The following ASPH variants were observed in gnomAD, a reference collection of about 807,000 sequenced individuals.
The protein encoded by ASPH is aspartate beta-hydroxylase, also known as aspartyl/asparaginyl beta-hydroxylase.
ASPH carries 100 observed loss-of-function variants against 118.4 expected under a neutral mutation model. That is an observed-to-expected ratio of 0.84 (90% confidence interval 0.72 to 1.00). The LOEUF (loss-of-function observed/expected upper bound fraction) is 1.00, where lower values mean the gene tolerates loss of function less well. Ranked by LOEUF, ASPH falls within the 50% of genes least tolerant of loss-of-function variation. The probability of loss-of-function intolerance (pLI) is 0.00; values close to 1 mark genes in which losing one functional copy is unlikely to be tolerated. For missense variants in ASPH, 920 were observed against 919.5 expected, an observed-to-expected ratio of 1.00 and a Z score of -0.01; for synonymous variants, 315 against 325.6, an observed-to-expected ratio of 0.97 and a Z score of 0.35.
chr8:61,578,021 T>C (rs943006939), intron 15 of ASPH, among the ~76,000 whole-genome samples: 1 of 152,234 alleles, frequency 6.6e-6, no homozygotes, highest in Non-Finnish European at 1.5e-5. Context: ...AAGTCTCATC[T>C]GAGACAAGGC....
intron 13 of ASPH, chr8:61,633,145 G>C (rs908179537): frequency 1.9e-5 from 3 of 154,808 alleles, no homozygotes; most frequent in African/African-American, 7.2e-5. Flanking sequence ...GTGACAAGAG[G>C]GCTCAGGTAG....
intron 8 of ASPH, 115 bp downstream of exon 8, chr8:61,643,830 T>C (rs1315456737): frequency 2.5e-6 from 2 of 806,686 alleles, no homozygotes; most frequent in Non-Finnish European, 4.1e-6. Flanking sequence ...AAAGTGATTA[T>C]AAATACCATA....
At chr8:61,694,989 T>A (rs1031892074) in intron 1 of ASPH, among the ~76,000 whole-genome samples, 3 of 152,252 alleles carry the variant, frequency 2.0e-5, no homozygotes, top group Non-Finnish European at 4.4e-5. Flanking sequence ...ATTGAGTTTA[T>A]CATCTGGCTG....
At chr8:61,614,998 A>G (rs986822147) in intron 14 of ASPH, among the ~76,000 whole-genome samples, 2 of 152,154 alleles carry the variant, frequency 1.3e-5, no homozygotes, top group Non-Finnish European at 2.9e-5. Context: ...TATGGCCAGA[A>G]TGAGCCTTTG....
intron 14 of ASPH, among the ~76,000 whole-genome samples, chr8:61,607,772 A>G (rs944542829): frequency 2.0e-5 from 3 of 152,158 alleles, no homozygotes; most frequent in African/African-American, 7.2e-5. Flanking sequence ...TGCATCTGCC[A>G]TTTATTATTA....
At chr8:61,643,288 T>G in intron 9 of ASPH, 98 bp downstream of exon 9, 6 of 1,221,384 alleles carry the variant, frequency 4.9e-6, no homozygotes, top group Non-Finnish European at 6.8e-6. Flanking sequence ...AAATTACTTC[T>G]TTGATGCCTT....
chr8:61,619,067 C>T (rs755796063), intron 13 of ASPH, 48 bp from the exon 14 acceptor site: 16 of 1,347,178 alleles, frequency 1.2e-5, no homozygotes, highest in Non-Finnish European at 1.7e-5. Flanking sequence ...AGTCACCATT[C>T]AGTATCTCAA....
In ASPH at chr8:61,676,074, G is replaced by A. The variant is rs778133987; in HGVS notation, c.322+4894C>T. ...CAATGACTTCAGTCCCTGAATCAAG[G>A]TTACTGGTTATGTAAATCCAATATG... On this transcript the variant is annotated intron_variant, in intron 3 of 24. Transcript: ENST00000379454. 9 of 1,599,116 alleles carry A rather than the reference G, an allele frequency of 5.6e-6. No individual in the cohort carries two copies. In the East Asian group the frequency reaches 1.8e-4, roughly 32 times the overall value.
intron 13 of ASPH, among the ~76,000 whole-genome samples, chr8:61,619,999 G>A (rs751288315): frequency 2.6e-5 from 4 of 152,194 alleles, no homozygotes; most frequent in Non-Finnish European, 5.9e-5. Flanking sequence ...CATTGACACA[G>A]ATCACTCAAT....
rs780838076 is a variant in ASPH, at chr8:61,562,725, A to ATTTG, written c.1437+18_1437+19insCAAA. 6.3e-7 allele frequency: 1 copy of ATTTG among 1,590,552 alleles called. No individual in the cohort carries two copies. Among genetic ancestry groups the ATTTG allele is most frequent in the Non-Finnish European group, 8.5e-7 (1 of 1,170,690 alleles). The stretch of plus-strand genomic sequence containing the variant: ...CTTAGAACTTAATTTGACGTAGTTA[A>ATTTG]TACAAGATTGATGCTTACCTCTTCA... On this transcript the variant is annotated intron_variant, in intron 18 of 24. Coordinates refer to ENST00000379454, the MANE Select transcript of ASPH (RefSeq NM_004318.4).
In ASPH at chr8:61,502,131, T is replaced by G. The variant is rs73685072; in HGVS notation, c.*1228A>C. 1 of 152,216 alleles carries G rather than the reference T, an allele frequency of 6.6e-6. No homozygotes were observed. The highest frequency in any genetic ancestry group is 1.5e-5 in the Non-Finnish European group (1 of 68,042). 9.4% of individuals were successfully genotyped at this position (152,216 alleles called of 1,614,324 possible). A position where few individuals can be genotyped will look rare whatever the true frequency, so the allele number is the denominator to read the frequency against. On this transcript the variant is annotated 3_prime_UTR_variant, in exon 25 of 25. Transcript: ENST00000379454. ...AGACGATTTTTACCTATTATTTCTA[T>G]GTTGTGGGTAATGTTAAAACTAAAT... is the stretch of plus-strand genomic sequence containing the variant.
intron 3 of ASPH, among the ~76,000 whole-genome samples, chr8:61,676,891 C>T (rs1027984700): frequency 1.3e-4 from 19 of 151,588 alleles, no homozygotes; most frequent in African/African-American, 4.1e-4. Flanking sequence ...AGCAGTATTA[C>T]CATTTATAGC....
rs750594109 is a variant in ASPH at position 61,642,842 on chromosome 8, T to C, written c.790+46A>G. On this transcript the variant is annotated intron_variant, in intron 10 of 24. Transcript: ENST00000379454. ...CCTGGGCAACAAGAGCGAAACTCCATCTCAAAAAAAAAAAGAAAAAAAAAA... is the reference window on the plus strand; with the variant it reads ...CCTGGGCAACAAGAGCGAAACTCCACCTCAAAAAAAAAAAGAAAAAAAAAA... 1.3e-5 allele frequency: 17 copies of C among 1,307,358 alleles called. 1 individual carries two copies. The African/African-American group carries it at 2.6e-4, about 20-fold the overall frequency. 81.0% of individuals were successfully genotyped at this position (1,307,358 alleles called of 1,614,324 possible). A position where few individuals can be genotyped will look rare whatever the true frequency, so the allele number is the denominator to read the frequency against.
At chr8:61,539,699 G>GGGGGTGTGTGTGTGTGT (rs1554618405) in intron 21 of ASPH, among the ~76,000 whole-genome samples, 3 of 124,214 alleles carry the variant, frequency 2.4e-5, no homozygotes, top group Non-Finnish European at 3.5e-5. Flanking sequence ...ACACTTCTGG[G>GGGGGTGTGTGTGTGTGT]GTGTGTGTGT....
chr8:61,537,057 G>A (rs1385679275), intron 21 of ASPH, among the ~76,000 whole-genome samples: 2 of 152,198 alleles, frequency 1.3e-5, no homozygotes, highest in Non-Finnish European at 2.9e-5. Flanking sequence ...GATAATCCAG[G>A]TTGCCAGGAC....
chr8:61,642,174 C>A (rs923436551), intron 10 of ASPH, among the ~76,000 whole-genome samples: 1 of 152,184 alleles, frequency 6.6e-6, no homozygotes, highest in Admixed American at 6.5e-5. Context: ...TGCCTTTAAG[C>A]CTGGAACACA....
chr8:61,551,194 C>T (rs1825870785), intron 20 of ASPH, among the ~76,000 whole-genome samples: 1 of 152,088 alleles, frequency 6.6e-6, no homozygotes, highest in African/African-American at 2.4e-5. Context: ...GTTTGTCCCC[C>T]GTCTTCCTGC....
chr8:61,621,289 T>C (rs1000009920), intron 13 of ASPH, among the ~76,000 whole-genome samples: 7 of 149,564 alleles, frequency 4.7e-5, no homozygotes, highest in East Asian at 2.0e-4. Flanking sequence ...GCATTAGTTT[T>C]ATATTGTTAT....
chr8:61,661,335 A>G (rs1359586524), intron 3 of ASPH: 1 of 152,214 alleles, frequency 6.6e-6, no homozygotes, highest in Non-Finnish European at 1.5e-5. Context: ...TATTCTACCA[A>G]TGATAAAGGG....
Sources: allele counts gnomAD v4.1 joint callset (sites outside exome capture counted in the v4.1 genomes callset), GRCh38; gene constraint gnomAD v4.1.1; transcripts MANE v1.5; gene names NCBI Gene and HGNC (gene_info 2026-07-23, HGNC 2026-07-21).